The following FIG4 variants were observed in gnomAD, a reference collection of about 807,000 sequenced individuals.
FIG4 encodes the protein FIG4 phosphoinositide 5-phosphatase, also known as polyphosphoinositide phosphatase.
In FIG4, 112 loss-of-function variants were observed where a neutral mutation model predicts 118.6. That is an observed-to-expected ratio of 0.94 (90% confidence interval 0.81 to 1.11). The LOEUF is 1.11. Ranked by LOEUF, FIG4 falls within the 50% of genes least tolerant of loss-of-function variation. The pLI, the probability that FIG4 is intolerant of heterozygous loss-of-function variation, is 0.00. For synonymous variants in FIG4, 369 were observed against 381.2 expected (o/e 0.97, Z 0.37); for missense variants, 969 against 1,111.7 (o/e 0.87, Z 1.83).
At chr6:109,805,134 C>A (rs578080771) in intron 22 of FIG4, among the ~76,000 whole-genome samples, 11 of 152,262 alleles carry the variant, frequency 7.2e-5, no homozygotes, top group African/African-American at 2.6e-4. Context: ...CCTTGATATT[C>A]CCAACTGACA....
chr6:109,743,884 T>A (rs892997112), intron 10 of FIG4, 112 bp downstream of exon 10: 2 of 806,018 alleles, frequency 2.5e-6, no homozygotes, highest in Admixed American at 3.7e-5. Context: ...TGGAGAGACG[T>A]GCAGATTATT....
chr6:109,793,317 G>A (rs565505644), intron 21 of FIG4, among the ~76,000 whole-genome samples: 2 of 152,336 alleles, frequency 1.3e-5, no homozygotes, highest in African/African-American at 4.8e-5. Flanking sequence ...CTGGATGCTG[G>A]TGGGAGTGGT....
At chr6:109,811,373 C>T (rs753809542) in intron 22 of FIG4, among the ~76,000 whole-genome samples, 2 of 152,142 alleles carry the variant, frequency 1.3e-5, no homozygotes, top group Non-Finnish European at 2.9e-5. Context: ...AGATGACCTT[C>T]TATCAGCAAT....
chr6:109,732,607 A>G lies in FIG4; in HGVS notation c.447-30A>G, dbSNP rs575092155. The G allele has an allele frequency of 2.6e-4, 293 of 1,111,528 alleles. 1 individual carries two copies. Among genetic ancestry groups the G allele is most frequent in the Non-Finnish European group, 3.7e-4 (275 of 749,276 alleles). The allele number at this position is 1,111,528 out of a possible 1,614,324, so 68.9% of individuals were successfully genotyped here. On this transcript the variant is annotated intron_variant, in intron 4 of 22. Coordinates refer to ENST00000230124, the MANE Select transcript of FIG4 (RefSeq NM_014845.6). ...TGTGAGAAATAATAGTATTGGACAA[A>G]TGAAATGTACTTTGTTTTTTTTTTT...
intron 22 of FIG4, among the ~76,000 whole-genome samples, chr6:109,803,122 G>A (rs1323310850): frequency 6.6e-6 from 1 of 152,132 alleles, no homozygotes; most frequent in Non-Finnish European, 1.5e-5. Flanking sequence ...AGATGCTAAG[G>A]GAGAGAGTAT....
chr6:109,754,194 T>C (rs1204849990), intron 10 of FIG4, among the ~76,000 whole-genome samples: 2 of 152,210 alleles, frequency 1.3e-5, no homozygotes, highest in African/African-American at 4.8e-5. Flanking sequence ...TCTATTGAGA[T>C]AATCATGTGG....
intron 16 of FIG4, among the ~76,000 whole-genome samples, chr6:109,783,535 G>A (rs959827547): frequency 2.0e-5 from 3 of 152,194 alleles, no homozygotes; most frequent in African/African-American, 7.2e-5. Flanking sequence ...CTGGAATTAA[G>A]TAGCTCTACT....
At chr6:109,785,645 G>A (rs1355465137) in intron 17 of FIG4, 8 of 470,438 alleles carry the variant, frequency 1.7e-5, no homozygotes, top group Non-Finnish European at 3.5e-5. Flanking sequence ...CTGACCTTGA[G>A]CAAGCTCATT....
chr6:109,767,549 G>A (rs183960229), intron 15 of FIG4, among the ~76,000 whole-genome samples: 1 of 152,296 alleles, frequency 6.6e-6, no homozygotes, highest in East Asian at 1.9e-4. Context: ...GGATAGAAAA[G>A]TTTACATAAT....
intron 10 of FIG4, among the ~76,000 whole-genome samples, chr6:109,753,013 G>A (rs909145311): frequency 1.3e-5 from 2 of 152,064 alleles, no homozygotes; most frequent in Non-Finnish European, 1.5e-5. Flanking sequence ...ATTAATTTTT[G>A]TATAAGGTGT....
intron 4 of FIG4, among the ~76,000 whole-genome samples, chr6:109,731,954 T>C (rs1776014564): frequency 6.6e-6 from 1 of 152,224 alleles, no homozygotes. Flanking sequence ...GCATACATAT[T>C]TTAAATATAC....
At chr6:109,769,107 CTT>C (rs11419632) in intron 15 of FIG4, among the ~76,000 whole-genome samples, 8 of 141,868 alleles carry the variant, frequency 5.6e-5, no homozygotes, top group Admixed American at 1.4e-4. Flanking sequence ...AAGTAATGTG[CTT>C]TTTTTTTTTT....
At chr6:109,793,751 T>G (rs1448886019) in intron 21 of FIG4, among the ~76,000 whole-genome samples, 1 of 152,218 alleles carries the variant, frequency 6.6e-6, no homozygotes, top group Non-Finnish European at 1.5e-5. Context: ...GCTTTTCATT[T>G]CAATTAATAA....
chr6:109,779,458 A>G (rs1450957853), intron 16 of FIG4, among the ~76,000 whole-genome samples: 1 of 152,208 alleles, frequency 6.6e-6, no homozygotes, highest in African/African-American at 2.4e-5. Context: ...TGTCTTGGCT[A>G]AGATTATTCA....
intron 1 of FIG4, among the ~76,000 whole-genome samples, chr6:109,695,153 G>A (rs1260148536): frequency 6.6e-6 from 1 of 152,182 alleles, no homozygotes; most frequent in Non-Finnish European, 1.5e-5. Flanking sequence ...TATTTCTCAA[G>A]CTAACTTCCG....
intron 4 of FIG4, among the ~76,000 whole-genome samples, chr6:109,731,310 A>G (rs1288148320): frequency 1.3e-5 from 2 of 152,194 alleles, no homozygotes; most frequent in Non-Finnish European, 2.9e-5. Context: ...CACGTTATCT[A>G]TAGTGCACAG....
At chr6:109,808,538 A>T (rs531330824) in intron 22 of FIG4, among the ~76,000 whole-genome samples, 1 of 152,312 alleles carries the variant, frequency 6.6e-6, no homozygotes, top group African/African-American at 2.4e-5. Context: ...ATTTCAAAGT[A>T]CTATGGTTGT....
intron 15 of FIG4, among the ~76,000 whole-genome samples, chr6:109,768,207 A>G (rs912902365): frequency 5.9e-5 from 9 of 152,188 alleles, no homozygotes; most frequent in Admixed American, 2.6e-4. Flanking sequence ...GGCCCCTGGA[A>G]GGACAGAGAG....
At chr6:109,709,290 C>T (rs1775184774) in intron 1 of FIG4, among the ~76,000 whole-genome samples, 1 of 152,092 alleles carries the variant, frequency 6.6e-6, no homozygotes, top group Non-Finnish European at 1.5e-5. Context: ...GGCCTTATTT[C>T]TGGGTTCTCT....
Sources: allele counts gnomAD v4.1 joint callset (sites outside exome capture counted in the v4.1 genomes callset), GRCh38; gene constraint gnomAD v4.1.1; transcripts MANE v1.5; gene names NCBI Gene and HGNC (gene_info 2026-07-23, HGNC 2026-07-21).